TANC2: variants seen among roughly 807,000 people sequenced by gnomAD.
TANC2 encodes the protein tetratricopeptide repeat, ankyrin repeat and coiled-coil containing 2.
Under a neutral mutation model 210.5 loss-of-function variants are expected in TANC2, and 26 were observed. That is an observed-to-expected ratio of 0.12 (90% confidence interval 0.09 to 0.17). TANC2 has a LOEUF of 0.17. Among genes scored for constraint, TANC2 ranks in the 10% least tolerant of loss-of-function variants. The pLI, the probability that TANC2 is intolerant of heterozygous loss-of-function variation, is 1.00. For synonymous variants in TANC2, 931 were observed against 967.1 expected (o/e 0.96, Z 0.69); for missense variants, 2,129 against 2,608.9 (o/e 0.82, Z 4.01).
intron 12 of TANC2, among the ~76,000 whole-genome samples, chr17:63,347,910 A>G (rs1328025719): frequency 6.6e-6 from 1 of 152,088 alleles, no homozygotes; most frequent in Non-Finnish European, 1.5e-5. Flanking sequence ...GGACTACAGA[A>G]GCGCACCATC....
intron 2 of TANC2, among the ~76,000 whole-genome samples, chr17:63,010,344 A>G (rs2033809396): frequency 6.6e-6 from 1 of 152,160 alleles, no homozygotes; most frequent in Admixed American, 6.6e-5. Flanking sequence ...CCAGTTTCCA[A>G]ACTGTTGCTG....
At chr17:63,204,060 C>G (rs1172094626) in intron 7 of TANC2, among the ~76,000 whole-genome samples, 2 of 147,504 alleles carry the variant, frequency 1.4e-5, no homozygotes, top group African/African-American at 2.5e-5. Context: ...AAGTGTATCC[C>G]TAACTTACAT....
intron 5 of TANC2, among the ~76,000 whole-genome samples, chr17:63,180,673 A>C (rs1238034890): frequency 6.6e-6 from 1 of 152,206 alleles, no homozygotes; most frequent in Non-Finnish European, 1.5e-5. Context: ...TCATGCTTTC[A>C]GAAAATATTT....
intron 5 of TANC2, among the ~76,000 whole-genome samples, chr17:63,192,125 G>C (rs193119127): frequency 3.9e-5 from 6 of 152,220 alleles, no homozygotes; most frequent in Admixed American, 2.6e-4. Flanking sequence ...TAGTTTTTTC[G>C]TATCATAACC....
chr17:63,420,664 C>G lies in TANC2; in HGVS notation c.4934C>G (p.Pro1645Arg). Residue 1645 changes from proline to arginine, a missense_variant, in exon 28 of 28, where the codon CCC (proline) becomes CGC (arginine). This residue lies in a region of TANC2 where 584 missense variants were observed against 627.3 expected (regional missense o/e 0.93). Coordinates refer to ENST00000689528, the Ensembl canonical transcript of TANC2. This position sits in a 1 kb window ranked among gnomAD's most constrained non-coding sequence, Gnocchi z 4.2. ...GTCTATAGATCCCAGTCTGGTTCAC[C>G]CGTGCGCTATCAGCAGGAAACAAGC... The G allele has an allele frequency of 6.2e-7, 1 of 1,613,678 alleles. No individual in the cohort carries two copies. The highest frequency in any genetic ancestry group is 1.3e-5 in the African/African-American group (1 of 75,024).
intron 11 of TANC2, among the ~76,000 whole-genome samples, chr17:63,328,368 A>G (rs941463986): frequency 3.9e-5 from 5 of 126,782 alleles, no homozygotes; most frequent in Non-Finnish European, 6.4e-5. Context: ...TGGTATGTGT[A>G]TGTGTATATG....
intron 2 of TANC2, among the ~76,000 whole-genome samples, chr17:63,029,700 A>G (rs2034692281): frequency 1.3e-5 from 2 of 152,114 alleles, no homozygotes; most frequent in Non-Finnish European, 2.9e-5. Context: ...AGAAATTGTG[A>G]TTCATGATGG....
chr17:63,123,643 C>A (rs2038578158), intron 4 of TANC2, among the ~76,000 whole-genome samples: 1 of 149,708 alleles, frequency 6.7e-6, no homozygotes, highest in Admixed American at 6.7e-5. Context: ...GGAAGTTATA[C>A]CCGTAGAGAG....
At chr17:63,403,652 C>T (rs547686710) in intron 19 of TANC2, among the ~76,000 whole-genome samples, 4 of 152,272 alleles carry the variant, frequency 2.6e-5, no homozygotes, top group East Asian at 1.9e-4. Flanking sequence ...ACTGCCCTCC[C>T]GTAAGGAACT....
chr17:63,125,310 T>A (rs2038666268), intron 4 of TANC2: 1 of 152,210 alleles, frequency 6.6e-6, no homozygotes, highest in East Asian at 1.9e-4. Flanking sequence ...AACTGTCCAA[T>A]AATGATAGTT....
chr17:63,277,473 A>C (rs546692046), intron 9 of TANC2, among the ~76,000 whole-genome samples: 18 of 151,422 alleles, frequency 1.2e-4, no homozygotes, highest in Non-Finnish European at 2.4e-4. Context: ...TGGCTGCCAA[A>C]GTAATCTTTC....
chr17:63,219,837 C>T (rs1402248702), intron 7 of TANC2, among the ~76,000 whole-genome samples: 3 of 151,992 alleles, frequency 2.0e-5, no homozygotes, highest in East Asian at 1.9e-4. Flanking sequence ...AAGAAATTAA[C>T]GACCTGATAT....
At chr17:63,245,842 CAAAA>C (rs60766720) in intron 8 of TANC2, among the ~76,000 whole-genome samples, 1 of 91,372 alleles carries the variant, frequency 1.1e-5, no homozygotes. Context: ...GACTCCTTAT[CAAAA>C]AAAAAAAAAA....
At chr17:63,063,364 G>A (rs912522512) in intron 2 of TANC2, among the ~76,000 whole-genome samples, 6 of 152,122 alleles carry the variant, frequency 3.9e-5, no homozygotes, top group African/African-American at 1.4e-4. Flanking sequence ...GGAGGATGGG[G>A]CATGATGGGC....
At chr17:63,328,464 G>A (rs184908074) in intron 11 of TANC2, among the ~76,000 whole-genome samples, 59 of 151,692 alleles carry the variant, frequency 3.9e-4, no homozygotes, top group African/African-American at 1.4e-3. Flanking sequence ...TAAAAAGAAG[G>A]AAATCCTGTC....
At chr17:63,355,009 C>T (rs777311411) in exon 14 of TANC2, 4 of 1,613,902 alleles carry the variant, frequency 2.5e-6, no homozygotes, top group Non-Finnish European at 2.5e-6. Context: ...CTGAAACTTA[C>T]ATTTGACCTC....
At chr17:63,234,495 T>C (rs2042566502) in intron 7 of TANC2, among the ~76,000 whole-genome samples, 1 of 152,204 alleles carries the variant, frequency 6.6e-6, no homozygotes, top group Non-Finnish European at 1.5e-5. Context: ...GCAGTGTCCT[T>C]CTGTGCTGAG....
At chr17:63,292,226 G>GA (rs369565507) in intron 9 of TANC2, among the ~76,000 whole-genome samples, 1 of 151,582 alleles carries the variant, frequency 6.6e-6, no homozygotes, top group Non-Finnish European at 1.5e-5. Flanking sequence ...AGATTGATAA[G>GA]AAAAAAACAA....
chr17:63,401,082 T>A (rs940799919), intron 19 of TANC2, among the ~76,000 whole-genome samples: 1 of 152,230 alleles, frequency 6.6e-6, no homozygotes, highest in Non-Finnish European at 1.5e-5. Context: ...TACTGTTCTA[T>A]CTACTGTGAT....
Sources: gnomAD v4.1 joint callset for allele counts (sites outside exome capture counted in the v4.1 genomes callset) on GRCh38, gnomAD v4.1.1 for gene constraint, gnomAD v4.1.1 regional missense constraint, Gnocchi (gnomAD v3.1) non-coding constraint, MANE v1.5 for transcripts, NCBI Gene and HGNC (gene_info 2026-07-23, HGNC 2026-07-21) for gene names.